FCHSD2: variants seen among roughly 807,000 people sequenced by gnomAD.
FCHSD2 encodes the protein F-BAR and double SH3 domains protein 2.
A neutral mutation model predicts 108.1 loss-of-function variants in FCHSD2; 38 were observed. The observed-to-expected ratio is 0.35, with a 90% CI of 0.27 to 0.46. The LOEUF is 0.46. Ranked by LOEUF, FCHSD2 falls within the 20% of genes least tolerant of loss-of-function variation. The pLI, the probability that FCHSD2 is intolerant of heterozygous loss-of-function variation, is 1.00. For missense variants in FCHSD2, 751 were observed against 897.8 expected (o/e 0.84, Z 2.09); for synonymous variants, 279 against 314.7 (o/e 0.89, Z 1.20).
intron 2 of FCHSD2, among the ~76,000 whole-genome samples, chr11:73,093,552 C>T: frequency 6.6e-6 from 1 of 152,030 alleles, no homozygotes; most frequent in Non-Finnish European, 1.5e-5. Context: ...TAAGCAAAAT[C>T]CCTAAGAATG....
intron 14 of FCHSD2, among the ~76,000 whole-genome samples, chr11:72,847,394 A>C (rs1861174876): frequency 6.6e-6 from 1 of 152,198 alleles, no homozygotes; most frequent in Non-Finnish European, 1.5e-5. Flanking sequence ...TTCATTCCAC[A>C]ATTATTTACT....
At chr11:72,981,248 A>G (rs1404508128) in intron 8 of FCHSD2, among the ~76,000 whole-genome samples, 6 of 152,226 alleles carry the variant, frequency 3.9e-5, no homozygotes, top group African/African-American at 1.4e-4. Flanking sequence ...ACAATGTTTC[A>G]TTAAATGAAT....
chr11:73,078,302 T>G (rs908503071), intron 3 of FCHSD2, among the ~76,000 whole-genome samples: 2 of 152,154 alleles, frequency 1.3e-5, no homozygotes, highest in African/African-American at 4.8e-5. Context: ...AAGTAGAACA[T>G]ACCACATGCC....
intron 3 of FCHSD2, among the ~76,000 whole-genome samples, chr11:73,057,800 G>C (rs943111333): frequency 2.3e-4 from 35 of 152,040 alleles, no homozygotes; most frequent in African/African-American, 8.2e-4. Flanking sequence ...AGCTATACAG[G>C]GAATGAGTTC....
chr11:73,078,200 T>C (rs1023031245), intron 3 of FCHSD2, among the ~76,000 whole-genome samples: 16 of 152,210 alleles, frequency 1.1e-4, no homozygotes, highest in African/African-American at 3.6e-4. Context: ...TACTAAACTT[T>C]AGCAAAGATA....
chr11:73,018,533 T>A (rs1858024447), intron 3 of FCHSD2, among the ~76,000 whole-genome samples: 1 of 147,598 alleles, frequency 6.8e-6, no homozygotes, highest in Non-Finnish European at 1.5e-5. Flanking sequence ...TTTTTTTTTT[T>A]AATCATTATA....
chr11:72,884,530 TTATATATAAGATCATATATATAGTTTATA>T (rs369874613), intron 12 of FCHSD2, among the ~76,000 whole-genome samples: 1 of 148,350 alleles, frequency 6.7e-6, no homozygotes, highest in African/African-American at 2.5e-5. Flanking sequence ...CATACATAGT[TTATATATAAGATCATATATATAGTTTATA>T]TATATGATGA....
chr11:72,903,951 GA>G (rs1427221159), intron 9 of FCHSD2, among the ~76,000 whole-genome samples: 8 of 152,132 alleles, frequency 5.3e-5, no homozygotes, highest in African/African-American at 1.9e-4. Context: ...GAAACACAGG[GA>G]TAAGGGGGAT....
At chr11:72,903,321 A>G (rs1855565898) in intron 9 of FCHSD2, among the ~76,000 whole-genome samples, 1 of 152,026 alleles carries the variant, frequency 6.6e-6, no homozygotes, top group Non-Finnish European at 1.5e-5. Flanking sequence ...GGTTCATGCC[A>G]TTCTCCTGCC....
chr11:73,044,898 A>G lies in FCHSD2; in HGVS notation c.166-29013T>C, dbSNP rs113361290. On this transcript the variant is annotated intron_variant, in intron 3 of 19. Transcript: ENST00000409418. ...ATCCTGACTAACACAGTGAAACCCC[A>G]TCTCTACTAAAAATACAAAAAATTA... Among the ~76,000 whole-genome samples the G allele has an allele frequency of 5.4e-3, 823 of 152,072 alleles. 4 individuals are homozygous for G. The highest frequency in any genetic ancestry group is 0.014 in the South Asian group (66 of 4,814).
At chr11:73,131,246 A>AGTG (rs1286181075) in intron 2 of FCHSD2, among the ~76,000 whole-genome samples, 1 of 150,284 alleles carries the variant, frequency 6.7e-6, no homozygotes, top group Non-Finnish European at 1.5e-5. Context: ...GGCCGGGCGC[A>AGTG]GTGGTTCACG....
At chr11:73,058,571 T>C (rs917671251) in intron 3 of FCHSD2, among the ~76,000 whole-genome samples, 4 of 152,020 alleles carry the variant, frequency 2.6e-5, no homozygotes, top group Non-Finnish European at 4.4e-5. Context: ...TAATGATTAC[T>C]TGTTTTTTAG....
rs373946798 is a variant in FCHSD2, at chr11:72,896,643, T to G, written c.924+5900A>C. Among the ~76,000 whole-genome samples, 174 of 151,668 alleles carry G rather than the reference T, an allele frequency of 1.1e-3. 1 individual carries two copies. The highest frequency in any genetic ancestry group is 3.4e-3 in the Middle Eastern group (1 of 292). ...GTCCCAAGGGACTTTTAGTGATCAA[T>G]CCAATAAGGGAGTTGAGAGCTAGGG... On this transcript the variant is annotated intron_variant, in intron 10 of 19. Transcript: ENST00000409418.
intron 10 of FCHSD2, among the ~76,000 whole-genome samples, chr11:72,891,867 T>C (rs1422909301): frequency 6.6e-6 from 1 of 152,202 alleles, no homozygotes; most frequent in Non-Finnish European, 1.5e-5. Context: ...TGGTATAGGA[T>C]CTACATAATA....
intron 12 of FCHSD2, among the ~76,000 whole-genome samples, chr11:72,881,273 TACTC>T (rs1418726703): frequency 2.6e-5 from 4 of 152,134 alleles, no homozygotes; most frequent in Non-Finnish European, 1.5e-5. Context: ...TATGAAAAAA[TACTC>T]AACATCACTT....
At chr11:72,913,277 TTC>T (rs1356851851) in intron 9 of FCHSD2, among the ~76,000 whole-genome samples, 1 of 152,170 alleles carries the variant, frequency 6.6e-6, no homozygotes, top group Non-Finnish European at 1.5e-5. Context: ...TCCATTTTTT[TTC>T]TTTTTTTGAG....
intron 14 of FCHSD2, among the ~76,000 whole-genome samples, chr11:72,846,181 CTTTTT>C (rs35708688): frequency 2.2e-5 from 3 of 137,120 alleles, no homozygotes; most frequent in Non-Finnish European, 1.6e-5. Context: ...TCCTTTTGCT[CTTTTT>C]TTTTTTTTTT....
At chr11:72,865,672 T>C (rs1159743089) in intron 13 of FCHSD2, among the ~76,000 whole-genome samples, 2 of 152,134 alleles carry the variant, frequency 1.3e-5, no homozygotes, top group African/African-American at 4.8e-5. Context: ...GGGCACACTT[T>C]CTTCCCTATT....
chr11:73,034,477 T>A (rs1321418640), intron 3 of FCHSD2, among the ~76,000 whole-genome samples: 1 of 152,212 alleles, frequency 6.6e-6, no homozygotes, highest in Non-Finnish European at 1.5e-5. Context: ...AAACTGTTAC[T>A]AATGTTAAAA....
Sources: allele counts gnomAD v4.1 joint callset (sites outside exome capture counted in the v4.1 genomes callset), GRCh38; gene constraint gnomAD v4.1.1; transcripts MANE v1.5; gene names NCBI Gene and HGNC (gene_info 2026-07-23, HGNC 2026-07-21).